CNTN6: variants seen among roughly 807,000 people sequenced by gnomAD.
The protein encoded by CNTN6 is contactin-6.
In CNTN6, 137 loss-of-function variants were observed where a neutral mutation model predicts 122.8. The observed-to-expected ratio is 1.12, with a 90% CI of 0.97 to 1.29. The LOEUF is 1.29. Among genes scored for constraint, CNTN6 ranks in the 50% most tolerant of loss-of-function variants. The probability of loss-of-function intolerance (pLI) is 0.00; values close to 1 mark genes in which losing one functional copy is unlikely to be tolerated. For missense variants in CNTN6, 1,634 were observed against 1,223.4 expected (o/e 1.34, Z -5.01); for synonymous variants, 570 against 426.0 (o/e 1.34, Z -4.16).
At chr3:1,129,907 GT>G (rs1366373315) in intron 1 of CNTN6, among the ~76,000 whole-genome samples, 1 of 152,036 alleles carries the variant, frequency 6.6e-6, no homozygotes, top group Non-Finnish European at 1.5e-5. Flanking sequence ...TTTAAAAACA[GT>G]TTTTCAAGAC....
Position 1,401,330 on chromosome 3 carries a change from A to G in CNTN6, c.2705-103A>G, listed in dbSNP as rs1452295499. ...CACTGAAGACATTTTAGCTCCTTCTATGCAAATCATCGAAGACTTATTTTT... is the reference window on the plus strand; with the variant it reads ...CACTGAAGACATTTTAGCTCCTTCTGTGCAAATCATCGAAGACTTATTTTT... On this transcript the variant is annotated intron_variant, in intron 20 of 22. Transcript: ENST00000446702. The G allele has an allele frequency of 8.0e-6, 7 of 872,974 alleles. No individual in the cohort carries two copies. In the East Asian group the frequency reaches 1.1e-4, roughly 13 times the overall value. 54.1% of individuals were successfully genotyped at this position (872,974 alleles called of 1,614,324 possible). A position where few individuals can be genotyped will look rare whatever the true frequency, so the allele number is the denominator to read the frequency against.
At chr3:1,100,649 T>C (rs2124951732) in intron 1 of CNTN6, among the ~76,000 whole-genome samples, 1 of 152,314 alleles carries the variant, frequency 6.6e-6, no homozygotes, top group African/African-American at 2.4e-5. Context: ...CTTCTGTCTT[T>C]GATTTCTTTG....
chr3:1,351,052 T>A (rs1705552101), intron 11 of CNTN6, among the ~76,000 whole-genome samples: 1 of 151,944 alleles, frequency 6.6e-6, no homozygotes, highest in East Asian at 1.9e-4. Context: ...ATAATGACTT[T>A]AAAAAATCTG....
intron 7 of CNTN6, among the ~76,000 whole-genome samples, chr3:1,300,523 AAGAT>A (rs1189129086): frequency 1.5e-4 from 22 of 143,206 alleles, no homozygotes; most frequent in Non-Finnish European, 3.0e-4. Flanking sequence ...GAAAGAAAGA[AAGAT>A]AAAGAAAGAG....
At chr3:1,355,802 T>C (rs1559907917) in intron 12 of CNTN6, among the ~76,000 whole-genome samples, 1 of 151,858 alleles carries the variant, frequency 6.6e-6, no homozygotes, top group Non-Finnish European at 1.5e-5. Context: ...AGAAATGTTG[T>C]TGTTAGATAA....
chr3:1,356,260 C>T (rs575444397), intron 12 of CNTN6, among the ~76,000 whole-genome samples: 3 of 151,860 alleles, frequency 2.0e-5, no homozygotes, highest in Admixed American at 2.0e-4. Flanking sequence ...GTTTTTGTTT[C>T]CCCACTGGAG....
chr3:1,237,438 G>C (rs577068413), intron 4 of CNTN6, among the ~76,000 whole-genome samples: 12 of 152,196 alleles, frequency 7.9e-5, no homozygotes, highest in Non-Finnish European at 1.8e-4. Context: ...TGGTGTTCCC[G>C]AGGAAGAAGA....
intron 11 of CNTN6, among the ~76,000 whole-genome samples, chr3:1,332,526 G>GGAAGGAAT (rs1185468906): frequency 6.7e-6 from 1 of 149,586 alleles, no homozygotes; most frequent in Non-Finnish European, 1.5e-5. Flanking sequence ...AAGGAAGGAA[G>GGAAGGAAT]GAAGGAGGGA....
In CNTN6 at chr3:1,240,325, GA is replaced by G. The variant is rs1166056236; in HGVS notation, c.358+12339del. ...ACAAGGAACTCAAACAAATCAGCAA[GA>G]AAAAAACAAACAATCCCATTAAAAA... On this transcript the variant is annotated intron_variant, in intron 4 of 22. Coordinates refer to ENST00000446702, the MANE Select transcript of CNTN6 (RefSeq NM_001289080.2). Among the ~76,000 whole-genome samples, 25 of 151,934 alleles carry G rather than the reference GA, an allele frequency of 1.6e-4. No individual in the cohort carries two copies. In the East Asian group the frequency reaches 3.7e-3, roughly 22 times the overall value.
At chr3:1,135,626 A>C (rs1364301062) in intron 1 of CNTN6, among the ~76,000 whole-genome samples, 2 of 152,238 alleles carry the variant, frequency 1.3e-5, no homozygotes, top group African/African-American at 4.8e-5. Context: ...TATATACACT[A>C]CATATATATA....
chr3:1,314,710 G>C (rs1407455591), intron 7 of CNTN6, among the ~76,000 whole-genome samples: 2 of 151,866 alleles, frequency 1.3e-5, no homozygotes, highest in African/African-American at 4.8e-5. Context: ...ACAGGATGAA[G>C]TAAAAGTCCA....
At chr3:1,369,440 G>A (rs941742175) in intron 12 of CNTN6, among the ~76,000 whole-genome samples, 1 of 149,004 alleles carries the variant, frequency 6.7e-6, no homozygotes, top group Non-Finnish European at 1.5e-5. Context: ...CTTAGCATAG[G>A]ATTGGACATA....
chr3:1,403,297 T>C, intron 22 of CNTN6, 21 bp from the exon 23 acceptor site: 1 of 1,524,630 alleles, frequency 6.6e-7, no homozygotes, highest in Non-Finnish European at 9.0e-7. Context: ...AATATTTTTG[T>C]CTTATTTTTA....
Position 1,295,811 on chromosome 3 carries a change from T to C in CNTN6, c.658+7T>C. 1 of 1,610,320 alleles carries C rather than the reference T, an allele frequency of 6.2e-7. No individual in the cohort carries two copies. Among genetic ancestry groups the C allele is most frequent in the Non-Finnish European group, 8.5e-7 (1 of 1,176,754 alleles). On this transcript the variant is annotated splice_region_variant and intron_variant, in intron 6 of 22. Transcript: ENST00000446702. ...TTAGTGCAGCGCACTGATGGTAAGA[T>C]AATGAGTTATCTTGGGAATGTACTT...
chr3:1,099,293 T>C (rs1003102038), intron 1 of CNTN6, among the ~76,000 whole-genome samples: 49 of 151,572 alleles, frequency 3.2e-4, no homozygotes, highest in African/African-American at 1.0e-3. Context: ...CTACCAAAAA[T>C]ACAAAAAATT....
chr3:1,237,339 A>C (rs1250349566), intron 4 of CNTN6, among the ~76,000 whole-genome samples: 1 of 152,026 alleles, frequency 6.6e-6, no homozygotes, highest in Admixed American at 6.6e-5. Context: ...CATCAAAGAC[A>C]AACAATAATA....
chr3:1,374,702 A>C (rs1355302160), intron 16 of CNTN6, among the ~76,000 whole-genome samples: 1 of 152,088 alleles, frequency 6.6e-6, no homozygotes, highest in African/African-American at 2.4e-5. Flanking sequence ...TTAATCTGCT[A>C]GCTGTATATA....
intron 1 of CNTN6, among the ~76,000 whole-genome samples, chr3:1,130,537 C>T (rs982419521): frequency 3.3e-5 from 5 of 152,110 alleles, no homozygotes; most frequent in African/African-American, 1.2e-4. Context: ...TTCTGCACCA[C>T]CTTCCAGTGG....
At chr3:1,150,609 A>G (rs545142250) in intron 2 of CNTN6, among the ~76,000 whole-genome samples, 1 of 152,202 alleles carries the variant, frequency 6.6e-6, no homozygotes, top group Non-Finnish European at 1.5e-5. Context: ...TAGTATTTTT[A>G]AAATATTAGA....
Sources: allele counts gnomAD v4.1 joint callset (sites outside exome capture counted in the v4.1 genomes callset), GRCh38; gene constraint gnomAD v4.1.1; transcripts MANE v1.5; gene names NCBI Gene and HGNC (gene_info 2026-07-23, HGNC 2026-07-21).